KIF1B: variants seen among roughly 807,000 people sequenced by gnomAD.
The protein encoded by KIF1B is kinesin family member 1B.
A neutral mutation model predicts 241.9 loss-of-function variants in KIF1B; 76 were observed. That is an observed-to-expected ratio of 0.31 (90% CI 0.26 to 0.38). The LOEUF (loss-of-function observed/expected upper bound fraction) is 0.38, where lower values mean the gene tolerates loss of function less well. KIF1B is among the 10% of genes least tolerant of loss of function. The pLI, the probability that KIF1B is intolerant of heterozygous loss-of-function variation, is 1.00. For synonymous variants in KIF1B, 750 were observed against 796.7 expected (o/e 0.94, Z 0.99); for missense variants, 1,622 against 2,271.4 (o/e 0.71, Z 5.81).
chr1:10,358,768 G>C (rs7546368), intron 38 of KIF1B, among the ~76,000 whole-genome samples: 1 of 151,444 alleles, frequency 6.6e-6, no homozygotes, highest in East Asian at 1.9e-4. Flanking sequence ...TCGTCACCCA[G>C]TATTAGAATA....
intron 23 of KIF1B, among the ~76,000 whole-genome samples, chr1:10,320,992 C>T (rs1224554826): frequency 6.6e-6 from 1 of 151,494 alleles, no homozygotes; most frequent in Non-Finnish European, 1.5e-5. Flanking sequence ...TGAGCCACTG[C>T]GCCCAGCCAA....
intron 2 of KIF1B, among the ~76,000 whole-genome samples, chr1:10,243,373 C>T (rs1057047609): frequency 6.6e-6 from 1 of 152,182 alleles, no homozygotes; most frequent in African/African-American, 2.4e-5. Flanking sequence ...GAGCCAAGTT[C>T]GTGCCACTGC....
At chr1:10,228,521 G>A (rs1008791822) in intron 1 of KIF1B, among the ~76,000 whole-genome samples, 17 of 152,220 alleles carry the variant, frequency 1.1e-4, no homozygotes, top group Non-Finnish European at 2.1e-4. Flanking sequence ...ACAGGGTTAA[G>A]CAGTGGTTTA....
intron 2 of KIF1B, among the ~76,000 whole-genome samples, chr1:10,251,335 T>C (rs1647431746): frequency 6.7e-6 from 1 of 150,282 alleles, no homozygotes; most frequent in Non-Finnish European, 1.5e-5. Context: ...TCCTTTCTTT[T>C]TTTTTTTTTT....
At chr1:10,215,167 TA>T (rs1406139094) in intron 1 of KIF1B, among the ~76,000 whole-genome samples, 164 of 55,074 alleles carry the variant, frequency 3.0e-3, no homozygotes, top group East Asian at 4.3e-3. Context: ...TATATATATA[TA>T]TATATTTTTT....
chr1:10,306,513 A>G, intron 22 of KIF1B: 1 of 761,318 alleles, frequency 1.3e-6, no homozygotes, highest in Non-Finnish European at 1.7e-6. Context: ...TAGGAGGCTG[A>G]AGCAGGAGGA....
At chr1:10,371,788 C>T (rs1638739610) in intron 45 of KIF1B, among the ~76,000 whole-genome samples, 1 of 151,888 alleles carries the variant, frequency 6.6e-6, no homozygotes, top group Admixed American at 6.6e-5. Context: ...AATAAGATAC[C>T]CAGGCGTGGT....
chr1:10,254,019 T>C (rs1475402536), intron 2 of KIF1B, among the ~76,000 whole-genome samples: 1 of 152,230 alleles, frequency 6.6e-6, no homozygotes, highest in Non-Finnish European at 1.5e-5. Context: ...GCCTGGGATG[T>C]GGCCTTGCCA....
intron 37 of KIF1B, 114 bp downstream of exon 37, chr1:10,348,847 C>A: frequency 5.2e-6 from 4 of 768,302 alleles, no homozygotes; most frequent in Non-Finnish European, 9.1e-6. Flanking sequence ...GAGATCATAG[C>A]TCCCTGTAGC....
At chr1:10,304,102 AGTCCTGG>A (rs1650690965) in intron 22 of KIF1B, 1 of 1,614,006 alleles carries the variant, frequency 6.2e-7, no homozygotes, top group Admixed American at 1.7e-5. Flanking sequence ...AAACTCTTGG[AGTCCTGG>A]GACACATATC....
intron 15 of KIF1B, among the ~76,000 whole-genome samples, chr1:10,283,727 C>T (rs1649549951): frequency 6.6e-6 from 1 of 152,188 alleles, no homozygotes; most frequent in Non-Finnish European, 1.5e-5. Context: ...CCATTGTGTT[C>T]AAGAGTGCTA....
chr1:10,277,993 G>C lies in KIF1B; in HGVS notation c.1045G>C (p.Asp349His). 6.2e-7 allele frequency: 1 copy of C among 1,613,824 alleles called. No individual in the cohort carries two copies. Among genetic ancestry groups the C allele is most frequent in the South Asian group, 1.1e-5 (1 of 91,064 alleles). ...DETLSTLRYA[D>H]RAKQIKCNAV... Reference sequence around the variant, plus strand: ...TTTTCTTTTTGGATCTAGATATGCAGATCGTGCAAAACAAATTAAATGCAA... The same window carrying C: ...TTTTCTTTTTGGATCTAGATATGCACATCGTGCAAAACAAATTAAATGCAA... The change falls in exon 13 of 49, where the codon GAT becomes CAT. Residue 349 changes from aspartate (D) to histidine (H), a missense_variant. Asp to His is a moderately conservative substitution (Grantham distance 81). This residue lies in a region of KIF1B where 201 missense variants were observed against 301.2 expected (regional missense o/e 0.67). Transcript: ENST00000676179.
chr1:10,273,725 AAAAAAAAAAAAAAAC>A (rs1235561689), intron 10 of KIF1B, among the ~76,000 whole-genome samples: 42 of 143,102 alleles, frequency 2.9e-4, no homozygotes, highest in East Asian at 2.7e-3. Flanking sequence ...AAAAAAAAAA[AAAAAAAAAAAAAAAC>A]CCAACAAACA....
chr1:10,351,427 A>G (rs1224219206), intron 37 of KIF1B, among the ~76,000 whole-genome samples: 1 of 152,168 alleles, frequency 6.6e-6, no homozygotes, highest in Non-Finnish European at 1.5e-5. Context: ...GAATGCTCCA[A>G]AAATACTAGT....
At position 10,326,227 on chromosome 1, in the gene KIF1B, T is replaced by C; in HGVS notation, c.2792T>C (p.Met931Thr). 1 of 1,614,004 alleles carries C rather than the reference T, an allele frequency of 6.2e-7. No individual in the cohort carries two copies. Among genetic ancestry groups the C allele is most frequent in the Non-Finnish European group, 8.5e-7 (1 of 1,180,004 alleles). ...CTGGCTGACGAGCAGCAAGATGAGATGGAGGATTTTGATGATGAGGCATTC... is the reference window on the plus strand; with the variant it reads ...CTGGCTGACGAGCAGCAAGATGAGACGGAGGATTTTGATGATGAGGCATTC... ...TELADEQQDE[M>T]EDFDDEAFVD... Residue 931 changes from methionine (M) to threonine (T), a missense_variant, in exon 27 of 49, where the codon ATG (methionine) becomes ACG (threonine). This residue lies in a region of KIF1B where 803 missense variants were observed against 1,112.0 expected (regional missense o/e 0.72). Transcript: ENST00000676179. The surrounding 1 kb of genome is among the most constrained non-coding windows in gnomAD (Gnocchi z 5.2).
Position 10,368,553 on chromosome 1 carries a change from T to G in KIF1B, c.4824+15T>G, listed in dbSNP as rs201508062. The G allele has an allele frequency of 1.4e-4, 231 of 1,607,916 alleles. 1 individual carries two copies. Among genetic ancestry groups the G allele is most frequent in the Admixed American group, 8.7e-4 (52 of 60,020 alleles). ...GTGACTGTAAGGTGAGCACATTGAC[T>G]GTAATTTTTAGCCAGTATGTTGATA... On this transcript the variant is annotated intron_variant, in intron 44 of 48. Coordinates refer to ENST00000676179, the MANE Select transcript of KIF1B (RefSeq NM_001365951.3).
intron 27 of KIF1B, among the ~76,000 whole-genome samples, chr1:10,331,391 C>A (rs1304290572): frequency 2.0e-5 from 3 of 152,132 alleles, no homozygotes; most frequent in East Asian, 3.8e-4. Flanking sequence ...TTTTTTTACA[C>A]CAGAGCTTCA....
intron 34 of KIF1B, among the ~76,000 whole-genome samples, chr1:10,343,652 G>C (rs907875829): frequency 1.3e-5 from 2 of 152,134 alleles, no homozygotes; most frequent in African/African-American, 4.8e-5. Context: ...CAGCTACTTG[G>C]GAGGCTGAGG....
chr1:10,304,862 G>A (rs1650750382), intron 22 of KIF1B: 3 of 1,403,232 alleles, frequency 2.1e-6, no homozygotes, highest in Admixed American at 2.9e-5. Context: ...TTTGGATAAA[G>A]CATCAAGAAC....
Sources: allele counts gnomAD v4.1 joint callset (sites outside exome capture counted in the v4.1 genomes callset), GRCh38; gene constraint gnomAD v4.1.1; regional missense constraint gnomAD v4.1.1; non-coding constraint Gnocchi (gnomAD v3.1); transcripts MANE v1.5; gene names NCBI Gene and HGNC (gene_info 2026-07-23, HGNC 2026-07-21).